Variants in KIAA1328 observed in about 807,000 individuals in gnomAD.
The protein encoded by KIAA1328 is KIAA1328, also known as protein hinderin.
Under a neutral mutation model 68.1 loss-of-function variants are expected in KIAA1328, and 52 were observed. The observed-to-expected ratio is 0.76, with a 90% CI of 0.61 to 0.96. The LOEUF is 0.96. Ranked by LOEUF, KIAA1328 falls within the 40% of genes least tolerant of loss-of-function variation. KIAA1328 has a pLI of 0.00. For synonymous variants in KIAA1328, 232 were observed against 239.4 expected (o/e 0.97, Z 0.28); for missense variants, 641 against 677.6 (o/e 0.95, Z 0.60).
At chr18:37,027,948 T>C (rs2054657089) in intron 6 of KIAA1328, among the ~76,000 whole-genome samples, 1 of 152,052 alleles carries the variant, frequency 6.6e-6, no homozygotes, top group Admixed American at 6.6e-5. Flanking sequence ...AGAAAATTTC[T>C]GCAATCTACT....
intron 9 of KIAA1328, among the ~76,000 whole-genome samples, chr18:37,218,503 A>T (rs2060491897): frequency 6.6e-6 from 1 of 152,230 alleles, no homozygotes; most frequent in Admixed American, 6.5e-5. Context: ...AGACAAAAAA[A>T]GGAAAATTTA....
downstream of KIAA1328, among the ~76,000 whole-genome samples, chr18:37,227,316 A>G (rs985738141): frequency 1.2e-4 from 18 of 152,248 alleles, no homozygotes; most frequent in East Asian, 5.8e-4. Flanking sequence ...TGATGAAGGT[A>G]GCTACACTAA....
At chr18:37,187,139 G>T (rs1039833291) in intron 9 of KIAA1328, among the ~76,000 whole-genome samples, 4 of 151,990 alleles carry the variant, frequency 2.6e-5, no homozygotes, top group African/African-American at 9.7e-5. Flanking sequence ...ACTCCAGCCT[G>T]GGTGACAGAG....
chr18:37,216,149 G>T (rs962572968), intron 9 of KIAA1328, among the ~76,000 whole-genome samples: 1 of 152,092 alleles, frequency 6.6e-6, no homozygotes, highest in East Asian at 1.9e-4. Context: ...ATCTCCTTCA[G>T]TTGTCCTCTG....
chr18:37,092,745 T>G (rs529461364), intron 7 of KIAA1328, among the ~76,000 whole-genome samples: 2 of 152,264 alleles, frequency 1.3e-5, no homozygotes, highest in South Asian at 4.1e-4. Flanking sequence ...CAGTGGCTAT[T>G]GGACACAACA....
chr18:37,180,637 G>GTTTTTTT (rs34168716), intron 9 of KIAA1328, among the ~76,000 whole-genome samples: 1 of 149,464 alleles, frequency 6.7e-6, no homozygotes, highest in Non-Finnish European at 1.5e-5. Context: ...TAACAAAACC[G>GTTTTTTT]TTTTTTTTTT....
intron 7 of KIAA1328, among the ~76,000 whole-genome samples, chr18:37,095,569 G>A (rs923578445): frequency 2.0e-5 from 3 of 152,010 alleles, no homozygotes; most frequent in Non-Finnish European, 4.4e-5. Context: ...ATGGGATACA[G>A]AAAAAGCCCT....
intron 8 of KIAA1328, among the ~76,000 whole-genome samples, chr18:37,169,626 AACAAAT>A (rs1433633255): frequency 6.6e-6 from 1 of 152,216 alleles, no homozygotes; most frequent in East Asian, 1.9e-4. Context: ...TTATAAATGG[AACAAAT>A]ACAATTAAAA....
At chr18:37,021,775 C>CA (rs35044166) in intron 6 of KIAA1328, among the ~76,000 whole-genome samples, 20,746 of 151,032 alleles carry the variant, frequency 0.14, 1,755 homozygotes, top group Admixed American at 0.19. Context: ...TCCTTAAAAC[C>CA]AAAAAAAATA....
At chr18:36,838,861 A>G (rs1003270524) in intron 3 of KIAA1328, among the ~76,000 whole-genome samples, 18 of 151,994 alleles carry the variant, frequency 1.2e-4, no homozygotes, top group Admixed American at 6.6e-5. Context: ...CAGCCTCCTG[A>G]GTAGCTGGGA....
intron 6 of KIAA1328, among the ~76,000 whole-genome samples, chr18:36,972,045 A>G (rs2052241701): frequency 6.6e-6 from 1 of 152,250 alleles, no homozygotes; most frequent in Admixed American, 6.5e-5. Flanking sequence ...TATTCATGAC[A>G]GTACAGTACT....
chr18:37,153,624 CTTTTTTTTT>C (rs772159270), intron 7 of KIAA1328, among the ~76,000 whole-genome samples: 4 of 95,676 alleles, frequency 4.2e-5, no homozygotes, highest in Non-Finnish European at 6.2e-5. Context: ...AATCCAATAG[CTTTTTTTTT>C]TTTTTTTTTT....
At chr18:37,001,522 C>T (rs2053584938) in intron 6 of KIAA1328, among the ~76,000 whole-genome samples, 1 of 152,126 alleles carries the variant, frequency 6.6e-6, no homozygotes, top group Admixed American at 6.5e-5. Flanking sequence ...ACTCATTCTA[C>T]AAGGCCAGTG....
Position 37,178,121 on chromosome 18 carries a change from A to G in KIAA1328, c.1523+5040A>G, listed in dbSNP as rs2059629636. Among the ~76,000 whole-genome samples the G allele has an allele frequency of 2.0e-5, 3 of 152,130 alleles. No homozygotes were observed. The South Asian group carries it at 6.2e-4, about 32-fold the overall frequency. On this transcript the variant is annotated intron_variant, in intron 9 of 9. Coordinates refer to ENST00000280020, the MANE Select transcript of KIAA1328 (RefSeq NM_020776.3). ...AAATGCAATATTGTTAGCCATAGTC[A>G]CCCTACTGCACAATAGAACATCAGA...
chr18:37,043,393 C>A (rs991731736), intron 6 of KIAA1328, among the ~76,000 whole-genome samples: 1 of 152,094 alleles, frequency 6.6e-6, no homozygotes, highest in Non-Finnish European at 1.5e-5. Flanking sequence ...CTGATTCTTT[C>A]TCTCGAAAGT....
At chr18:37,120,915 G>A (rs1026982064) in intron 7 of KIAA1328, among the ~76,000 whole-genome samples, 7 of 152,088 alleles carry the variant, frequency 4.6e-5, no homozygotes, top group African/African-American at 1.4e-4. Context: ...GAGAAGCATC[G>A]AGATTTTAGA....
intron 7 of KIAA1328, among the ~76,000 whole-genome samples, chr18:37,131,461 A>G (rs2058519165): frequency 6.6e-6 from 1 of 152,180 alleles, no homozygotes; most frequent in Admixed American, 6.5e-5. Flanking sequence ...AATGAACTAT[A>G]TAAACTGCAG....
intron 6 of KIAA1328, among the ~76,000 whole-genome samples, chr18:37,043,529 A>G (rs1044956251): frequency 3.3e-5 from 5 of 152,148 alleles, no homozygotes; most frequent in Non-Finnish European, 5.9e-5. Context: ...GCCTAGCTTC[A>G]TAGAGGATTG....
chr18:37,183,798 T>G (rs2059742585), intron 9 of KIAA1328, among the ~76,000 whole-genome samples: 1 of 152,234 alleles, frequency 6.6e-6, no homozygotes, highest in Admixed American at 6.5e-5. Context: ...TCAGCAAGTT[T>G]TAAGAGAAAA....
Sources: gnomAD v4.1 joint callset for allele counts (sites outside exome capture counted in the v4.1 genomes callset) on GRCh38, gnomAD v4.1.1 for gene constraint, MANE v1.5 for transcripts, NCBI Gene and HGNC (gene_info 2026-07-23, HGNC 2026-07-21) for gene names.